ARID4B: variants seen among roughly 807,000 people sequenced by gnomAD.
ARID4B encodes AT-rich interactive domain-containing protein 4B.
In ARID4B, 26 loss-of-function variants were observed where a neutral mutation model predicts 147.5. The ratio of observed to expected loss-of-function variants is 0.18; its 90% CI spans 0.13 to 0.24. ARID4B has a LOEUF of 0.24. Among genes scored for constraint, ARID4B ranks in the 10% least tolerant of loss-of-function variants. The pLI is 1.00. For missense variants in ARID4B, 1,179 were observed against 1,511.5 expected, an observed-to-expected ratio of 0.78 and a Z score of 3.65; for synonymous variants, 512 against 507.9, an observed-to-expected ratio of 1.01 and a Z score of -0.11.
chr1:235,177,024 G>A (rs750494705), intron 21 of ARID4B: 13 of 447,366 alleles, frequency 2.9e-5, no homozygotes, highest in South Asian at 6.4e-5. Context: ...GCACGGAGTC[G>A]TTGCTAAAGT....
chr1:235,296,843 A>AAGGGAG (rs71172292), intron 2 of ARID4B, among the ~76,000 whole-genome samples: 2 of 48,968 alleles, frequency 4.1e-5, no homozygotes, highest in African/African-American at 1.4e-4. Context: ...GGAAGGGAGG[A>AAGGGAG]AGGAGGGAGG....
Position 235,182,266 on chromosome 1 carries a change from T to C in ARID4B, c.2653A>G (p.Lys885Glu). 1.2e-6 allele frequency: 2 copies of C among 1,612,918 alleles called. No individual in the cohort carries two copies. Among genetic ancestry groups the C allele is most frequent in the Non-Finnish European group, 1.7e-6 (2 of 1,179,760 alleles). ...CCAGTTGTCCGTAGAGATTTTCTTT[T>C]TTCCTCCAAACCATTGTATTTCTTA... ...PTKKYNGLEE[K>E]RKSLRTTGFY... The change falls in exon 20 of 24, where the codon AAA becomes GAA. Residue 885 changes from lysine (K) to glutamate (E), a missense_variant. By Grantham distance (56) the Lys-to-Glu change is moderately conservative (BLOSUM62 1). Coordinates refer to ENST00000264183, the MANE Select transcript of ARID4B (RefSeq NM_016374.6).
At chr1:235,298,560 T>A (rs559194881) in intron 2 of ARID4B, among the ~76,000 whole-genome samples, 1 of 148,546 alleles carries the variant, frequency 6.7e-6, no homozygotes, top group South Asian at 2.1e-4. Context: ...CAATGTATAT[T>A]TATATATATC....
At chr1:235,214,384 A>G (rs1321150710) in intron 16 of ARID4B, among the ~76,000 whole-genome samples, 1 of 152,194 alleles carries the variant, frequency 6.6e-6, no homozygotes, top group African/African-American at 2.4e-5. Flanking sequence ...ATTGACAAAA[A>G]AATTCATTAT....
At chr1:235,239,756 A>C (rs1668865958) in intron 8 of ARID4B, among the ~76,000 whole-genome samples, 1 of 152,212 alleles carries the variant, frequency 6.6e-6, no homozygotes, top group Non-Finnish European at 1.5e-5. Flanking sequence ...AAACAAGGAA[A>C]AAATGCAAAA....
At chr1:235,279,149 G>C (rs933931624) in intron 2 of ARID4B, among the ~76,000 whole-genome samples, 4 of 152,020 alleles carry the variant, frequency 2.6e-5, no homozygotes, top group Admixed American at 2.6e-4. Flanking sequence ...GAAACTCTCC[G>C]GGAGGGAAAC....
intron 5 of ARID4B, among the ~76,000 whole-genome samples, chr1:235,255,220 TAG>T (rs1491071014): frequency 0.068 from 4,249 of 62,310 alleles, 123 homozygotes; most frequent in Middle Eastern, 0.14. Flanking sequence ...TGCTGGGAGC[TAG>T]ATAGATAGAT....
chr1:235,256,066 C>T (rs781726172), intron 4 of ARID4B, among the ~76,000 whole-genome samples: 89 of 149,888 alleles, frequency 5.9e-4, no homozygotes, highest in Non-Finnish European at 9.2e-4. Flanking sequence ...CCCAGCTACT[C>T]GGGAGGCTGA....
chr1:235,292,615 C>CAAA (rs34794245), intron 2 of ARID4B, among the ~76,000 whole-genome samples: 6 of 122,688 alleles, frequency 4.9e-5, no homozygotes, highest in South Asian at 2.5e-4. Context: ...GACTGTGTCT[C>CAAA]AAAAAAAAAA....
intron 2 of ARID4B, among the ~76,000 whole-genome samples, chr1:235,317,819 T>A (rs1448178857): frequency 2.0e-5 from 3 of 152,224 alleles, no homozygotes; most frequent in African/African-American, 7.2e-5. Context: ...ACATAATAAG[T>A]ATTCAATAAA....
At chr1:235,291,652 G>A (rs890548810) in intron 2 of ARID4B, among the ~76,000 whole-genome samples, 12 of 150,664 alleles carry the variant, frequency 8.0e-5, no homozygotes, top group African/African-American at 2.0e-4. Context: ...CCTGGCCAAC[G>A]TGGCCAAACC....
intron 6 of ARID4B, among the ~76,000 whole-genome samples, chr1:235,251,178 C>T (rs1669619971): frequency 6.6e-6 from 1 of 151,312 alleles, no homozygotes; most frequent in Non-Finnish European, 1.5e-5. Context: ...AGGATATTCC[C>T]CTAAAACAGC....
rs1396474049 is a variant in ARID4B, at chr1:235,252,724, A to G, written c.354+6T>C. 6.2e-7 allele frequency: 1 copy of G among 1,609,098 alleles called. No homozygotes were observed. Among genetic ancestry groups the G allele is most frequent in the South Asian group, 1.1e-5 (1 of 90,308 alleles). ...AGACATGTTCATTTGTTAAATGATGACTTACTTCACTTTCAGCAAAATGCC... is the reference window on the plus strand; with the variant it reads ...AGACATGTTCATTTGTTAAATGATGGCTTACTTCACTTTCAGCAAAATGCC... On this transcript the variant is annotated splice_donor_region_variant and intron_variant, in intron 6 of 23. Transcript: ENST00000264183.
At chr1:235,238,322 T>C (rs1668755482) in intron 8 of ARID4B, among the ~76,000 whole-genome samples, 1 of 152,148 alleles carries the variant, frequency 6.6e-6, no homozygotes, top group African/African-American at 2.4e-5. Flanking sequence ...AAAAATTTTA[T>C]TGAATGTCAT....
At chr1:235,300,379 T>C (rs952947881) in intron 2 of ARID4B, among the ~76,000 whole-genome samples, 2 of 150,774 alleles carry the variant, frequency 1.3e-5, no homozygotes, top group Non-Finnish European at 2.9e-5. Context: ...ATCATGCCAC[T>C]GCACTCCAGC....
At chr1:235,264,755 C>T (rs76796946) in intron 2 of ARID4B, among the ~76,000 whole-genome samples, 389 of 152,238 alleles carry the variant, frequency 2.6e-3, no homozygotes, top group African/African-American at 8.9e-3. Flanking sequence ...TCTTAATATT[C>T]GAGGGGCAAA....
At chr1:235,311,505 A>C (rs1024906538) in intron 2 of ARID4B, among the ~76,000 whole-genome samples, 4 of 152,126 alleles carry the variant, frequency 2.6e-5, no homozygotes, top group African/African-American at 9.7e-5. Context: ...ACTGAAGGCC[A>C]GGCACAGTGG....
chr1:235,287,606 A>G (rs1189758852), intron 2 of ARID4B, among the ~76,000 whole-genome samples: 3 of 152,220 alleles, frequency 2.0e-5, no homozygotes, highest in African/African-American at 4.8e-5. Flanking sequence ...GCAAATTAGT[A>G]AACTATTTCT....
chr1:235,258,730 A>G (rs530075975), intron 3 of ARID4B, among the ~76,000 whole-genome samples: 2 of 152,338 alleles, frequency 1.3e-5, no homozygotes, highest in African/African-American at 2.4e-5. Context: ...TTATACCCAC[A>G]GCATCCCAGG....
Sources: gnomAD v4.1 joint callset for allele counts (sites outside exome capture counted in the v4.1 genomes callset) on GRCh38, gnomAD v4.1.1 for gene constraint, MANE v1.5 for transcripts, NCBI Gene and HGNC (gene_info 2026-07-23, HGNC 2026-07-21) for gene names.